The following PLAAT3 variants were observed in gnomAD, a reference collection of about 807,000 sequenced individuals.
PLAAT3 encodes the protein phospholipase A and acyltransferase 3.
Under a neutral mutation model 16.7 loss-of-function variants are expected in PLAAT3, and 21 were observed. That is an observed-to-expected ratio of 1.26 (90% CI 0.89 to 1.81). The LOEUF is 1.81. PLAAT3 is among the 40% of genes most tolerant of loss of function. The pLI is 0.00. For missense variants in PLAAT3, 219 were observed against 213.7 expected (o/e 1.02, Z -0.16); for synonymous variants, 76 against 81.7 (o/e 0.93, Z 0.38).
intron 4 of PLAAT3, among the ~76,000 whole-genome samples, chr11:63,588,242 G>T (rs762074609): frequency 1.4e-4 from 21 of 152,028 alleles, no homozygotes; most frequent in Admixed American, 5.9e-4. Flanking sequence ...GCTAATTTTT[G>T]TATTTTTAGT....
chr11:63,588,270 A>G (rs1043585947), intron 4 of PLAAT3, among the ~76,000 whole-genome samples: 5 of 151,830 alleles, frequency 3.3e-5, no homozygotes, highest in African/African-American at 7.3e-5. Flanking sequence ...GGGTTTCACC[A>G]TGTTGGCCAG....
At chr11:63,593,742 A>C (rs901142510) in intron 3 of PLAAT3, among the ~76,000 whole-genome samples, 1 of 151,812 alleles carries the variant, frequency 6.6e-6, no homozygotes, top group Non-Finnish European at 1.5e-5. Context: ...ACCATGCCCG[A>C]CTAATTTTTG....
chr11:63,609,694 C>T (rs974809277), intron 2 of PLAAT3, among the ~76,000 whole-genome samples: 3 of 152,196 alleles, frequency 2.0e-5, no homozygotes, highest in African/African-American at 4.8e-5. Flanking sequence ...TGACACATTA[C>T]ACTTTCCCTT....
At chr11:63,592,247 A>ACCT (rs1938171402) in intron 3 of PLAAT3, among the ~76,000 whole-genome samples, 1 of 151,430 alleles carries the variant, frequency 6.6e-6, no homozygotes, top group Non-Finnish European at 1.5e-5. Flanking sequence ...GCTCGCTGCA[A>ACCT]CCTCCTCCTC....
In PLAAT3 at chr11:63,574,983, C is replaced by A. The variant is rs766025412; in HGVS notation, c.451G>T (p.Gly151Ter). 1.2e-6 allele frequency: 2 copies of A among 1,612,908 alleles called. No individual in the cohort carries two copies. The highest frequency in any genetic ancestry group is 1.7e-6 in the Non-Finnish European group (2 of 1,178,964). The stretch of plus-strand genomic sequence containing the variant: ...CGCTTGTTTCTTGAGAACATGACTC[C>A]AATAAGGCTCATGGCTGCCAAGCCC... ...GMGLAAMSLI[G>*]VMFSRNKRQK... Residue 151 changes from glycine (G) to a stop codon, truncating the protein, a stop_gained, in exon 5 of 5, where the codon GGA (glycine) becomes TGA (stop). Coordinates refer to ENST00000415826, the MANE Select transcript of PLAAT3 (RefSeq NM_001128203.2). LOFTEE classifies it high-confidence loss of function.
chr11:63,576,626 ACT>A (rs2017665556), intron 4 of PLAAT3, among the ~76,000 whole-genome samples: 1 of 152,222 alleles, frequency 6.6e-6, no homozygotes, highest in Admixed American at 6.5e-5. Flanking sequence ...GAGGTGAGGT[ACT>A]GTTTATATAA....
chr11:63,578,667 A>G (rs1405680380), intron 4 of PLAAT3, among the ~76,000 whole-genome samples: 3 of 151,540 alleles, frequency 2.0e-5, no homozygotes, highest in Non-Finnish European at 2.9e-5. Flanking sequence ...CTGGCTAGCC[A>G]TATGTAGAAA....
At chr11:63,608,692 T>C (rs1294363382) in intron 2 of PLAAT3, 3 of 152,194 alleles carry the variant, frequency 2.0e-5, no homozygotes, top group African/African-American at 7.2e-5. Flanking sequence ...TTTGGGGTTG[T>C]TTATGACATA....
intron 4 of PLAAT3, among the ~76,000 whole-genome samples, chr11:63,585,522 A>G (rs1159921213): frequency 2.6e-5 from 4 of 152,162 alleles, no homozygotes; most frequent in African/African-American, 2.4e-5. Flanking sequence ...TACAGTGCAC[A>G]GGACAGGACT....
chr11:63,601,058 T>TAA lies in PLAAT3; in HGVS notation c.16-2896_16-2895insTT, dbSNP rs1457717992. Among the ~76,000 whole-genome samples the TAA allele has an allele frequency of 6.1e-5, 9 of 146,624 alleles. No individual in the cohort carries two copies. The East Asian group carries it at 1.6e-3, about 26-fold the overall frequency. ...TAAAAATTAAACAAAAAAAAAAATT[T>TAA]TTTTTTTTTTTTTTGAGGCAGAGTC... On this transcript the variant is annotated intron_variant, in intron 2 of 4. Coordinates refer to ENST00000415826, the MANE Select transcript of PLAAT3 (RefSeq NM_001128203.2).
chr11:63,606,207 G>A (rs574470870), intron 2 of PLAAT3, among the ~76,000 whole-genome samples: 1 of 152,140 alleles, frequency 6.6e-6, no homozygotes, highest in Admixed American at 6.5e-5. Context: ...TGAGCTGTGC[G>A]CCCGGCACCA....
At chr11:63,606,463 C>CACACACACACACACACACACACA (rs1555046401) in intron 2 of PLAAT3, among the ~76,000 whole-genome samples, 1 of 146,472 alleles carries the variant, frequency 6.8e-6, no homozygotes, top group African/African-American at 2.5e-5. Context: ...CACACACACA[C>CACACACACACACACACACACACA]CTTAGTAAAT....
chr11:63,590,203 C>T lies in PLAAT3; in HGVS notation c.284G>A (p.Arg95Gln), dbSNP rs771330726. The T allele has an allele frequency of 9.3e-6, 15 of 1,614,072 alleles. No individual in the cohort carries two copies. The highest frequency in any genetic ancestry group is 1.6e-4 in the Middle Eastern group (1 of 6,084). The change falls in exon 4 of 5, where the codon CGG (arginine) becomes CAG (glutamine). Residue 95 changes from arginine to glutamine, a missense_variant. Arg to Gln is a conservative substitution (Grantham distance 43). Transcript: ENST00000415826. Reference sequence around the variant, plus strand: ...CTCCTGCCCCACCAGCTCCTCCGCCCGCTGGATGATTTTGCTGCAGGGCAG... The same window carrying T: ...CTCCTGCCCCACCAGCTCCTCCGCCTGCTGGATGATTTTGCTGCAGGGCAG... Reference protein sequence around the residue: ...SPLPCSKIIQRAEELVGQEVL... With the variant: ...SPLPCSKIIQQAEELVGQEVL...
At chr11:63,612,267 C>A (rs1938713312) in intron 2 of PLAAT3, among the ~76,000 whole-genome samples, 1 of 152,186 alleles carries the variant, frequency 6.6e-6, no homozygotes, top group Non-Finnish European at 1.5e-5. Context: ...CCACCTTGGC[C>A]TCCCCAAGTG....
intron 4 of PLAAT3, among the ~76,000 whole-genome samples, chr11:63,579,527 G>A (rs532797205): frequency 6.6e-4 from 101 of 152,092 alleles, no homozygotes; most frequent in Middle Eastern, 6.8e-3. Flanking sequence ...TATACACCAT[G>A]GAATACTATG....
At chr11:63,597,475 G>A (rs935328020) in intron 3 of PLAAT3, among the ~76,000 whole-genome samples, 7 of 152,156 alleles carry the variant, frequency 4.6e-5, no homozygotes, top group South Asian at 4.1e-4. Flanking sequence ...GCAGTAAGCC[G>A]AGATTGCGCC....
chr11:63,596,036 T>C (rs1354498117), intron 3 of PLAAT3, among the ~76,000 whole-genome samples: 1 of 151,478 alleles, frequency 6.6e-6, no homozygotes, highest in Non-Finnish European at 1.5e-5. Context: ...GGTCAGGAGA[T>C]CGAGACCATC....
chr11:63,611,381 A>C (rs1048143074), intron 2 of PLAAT3, among the ~76,000 whole-genome samples: 15 of 152,186 alleles, frequency 9.9e-5, no homozygotes, highest in Non-Finnish European at 2.1e-4. Flanking sequence ...CCACTCCCCC[A>C]AAAAATGTCT....
chr11:63,596,314 C>T (rs1938288413), intron 3 of PLAAT3, among the ~76,000 whole-genome samples: 1 of 137,362 alleles, frequency 7.3e-6, no homozygotes, highest in African/African-American at 2.7e-5. Flanking sequence ...CACATCAAAA[C>T]AGAGCTTCGT....
Sources: allele counts gnomAD v4.1 joint callset (sites outside exome capture counted in the v4.1 genomes callset), GRCh38; gene constraint gnomAD v4.1.1; transcripts MANE v1.5; gene names NCBI Gene and HGNC (gene_info 2026-07-23, HGNC 2026-07-21).